DIP2B: variants seen among roughly 807,000 people sequenced by gnomAD.
The protein encoded by DIP2B is DIP2 acetate--CoA ligase B (putative).
DIP2B carries 76 observed loss-of-function variants against 198.0 expected under a neutral mutation model. That is an observed-to-expected ratio of 0.38 (90% confidence interval 0.32 to 0.46). The LOEUF is 0.46. Ranked by LOEUF, DIP2B falls within the 20% of genes least tolerant of loss-of-function variation. The pLI, the probability that DIP2B is intolerant of heterozygous loss-of-function variation, is 0.99. For synonymous variants in DIP2B, 701 were observed against 739.1 expected, an observed-to-expected ratio of 0.95 and a Z score of 0.84; for missense variants, 1,559 against 1,978.4, an observed-to-expected ratio of 0.79 and a Z score of 4.02.
At chr12:50,561,336 G>A (rs557370004) in intron 1 of DIP2B, among the ~76,000 whole-genome samples, 1 of 152,140 alleles carries the variant, frequency 6.6e-6, no homozygotes, top group Non-Finnish European at 1.5e-5. Flanking sequence ...GTTATTAAAA[G>A]GTACAGGAAT....
chr12:50,697,712 G>A (rs1357866799), intron 17 of DIP2B, among the ~76,000 whole-genome samples: 1 of 151,198 alleles, frequency 6.6e-6, no homozygotes. Context: ...AAATTTTTTT[G>A]TAGAGATAGG....
rs1939519141 is a variant in DIP2B, at chr12:50,706,676, C to T, written c.2534+11C>T. ...TGTTTATAGAGGAAGGTGAGTAGTACAAAATTCAAATGTTAGCACCTTTTA... is the reference window on the plus strand; with the variant it reads ...TGTTTATAGAGGAAGGTGAGTAGTATAAAATTCAAATGTTAGCACCTTTTA... On this transcript the variant is annotated intron_variant, in intron 21 of 37. Transcript: ENST00000301180. 6.2e-7 allele frequency: 1 copy of T among 1,613,258 alleles called. No homozygotes were observed. The highest frequency in any genetic ancestry group is 1.7e-5 in the Admixed American group (1 of 59,968).
At chr12:50,682,490 G>A (rs781087985) in intron 9 of DIP2B, among the ~76,000 whole-genome samples, 1 of 151,966 alleles carries the variant, frequency 6.6e-6, no homozygotes, top group Non-Finnish European at 1.5e-5. Flanking sequence ...TTAGCCAGGC[G>A]TGGTGGCAGG....
At chr12:50,630,554 A>T (rs1018777590) in intron 2 of DIP2B, among the ~76,000 whole-genome samples, 16 of 151,902 alleles carry the variant, frequency 1.1e-4, no homozygotes, top group Non-Finnish European at 1.5e-5. Context: ...TTTTTATCCT[A>T]AGGCTTTAAA....
intron 1 of DIP2B, among the ~76,000 whole-genome samples, chr12:50,544,505 A>G (rs1197166527): frequency 1.3e-5 from 2 of 151,970 alleles, no homozygotes; most frequent in Admixed American, 6.6e-5. Context: ...ACGGGGTTTC[A>G]CCATGTTGGC....
chr12:50,587,649 C>G (rs1958782557), intron 1 of DIP2B, among the ~76,000 whole-genome samples: 1 of 152,152 alleles, frequency 6.6e-6, no homozygotes, highest in East Asian at 1.9e-4. Context: ...TTTTCTTCCT[C>G]CTTCAGTGTC....
intron 3 of DIP2B, among the ~76,000 whole-genome samples, chr12:50,644,551 G>A (rs1343524620): frequency 1.3e-5 from 2 of 152,190 alleles, no homozygotes; most frequent in African/African-American, 4.8e-5. Context: ...CTTTATCAAA[G>A]ATCAAGATGA....
At chr12:50,686,771 G>A (rs1183541479) in intron 12 of DIP2B, 89 bp downstream of exon 12, 8 of 1,222,928 alleles carry the variant, frequency 6.5e-6, no homozygotes, top group South Asian at 4.4e-5. Context: ...TTTTTGCAAC[G>A]TTAATGTTAG....
At chr12:50,590,465 G>A (rs1593634854) in intron 1 of DIP2B, among the ~76,000 whole-genome samples, 1 of 152,162 alleles carries the variant, frequency 6.6e-6, no homozygotes, top group Non-Finnish European at 1.5e-5. Context: ...CGCCTCCGGG[G>A]TTCAAGCAAT....
intron 1 of DIP2B, among the ~76,000 whole-genome samples, chr12:50,581,971 C>T (rs1227130515): frequency 6.6e-6 from 1 of 152,072 alleles, no homozygotes; most frequent in Non-Finnish European, 1.5e-5. Flanking sequence ...TGCGAGCCTG[C>T]ACTGAATCCT....
At chr12:50,623,245 A>G (rs1937850186) in intron 1 of DIP2B, among the ~76,000 whole-genome samples, 1 of 151,786 alleles carries the variant, frequency 6.6e-6, no homozygotes, top group Non-Finnish European at 1.5e-5. Flanking sequence ...CTAGCCAGGC[A>G]TGGTGGCGTG....
At chr12:50,635,032 A>C (rs1445221578) in intron 2 of DIP2B, among the ~76,000 whole-genome samples, 11 of 152,232 alleles carry the variant, frequency 7.2e-5, no homozygotes, top group Non-Finnish European at 1.2e-4. Context: ...TGTGCAGAGT[A>C]TATCAATTCT....
At chr12:50,714,353 T>C in intron 22 of DIP2B, 42 bp from the exon 23 acceptor site, 1 of 1,608,768 alleles carries the variant, frequency 6.2e-7, no homozygotes, top group South Asian at 1.1e-5. Flanking sequence ...TCAAATGTAA[T>C]AGAAGTGATC....
At chr12:50,544,422 T>C (rs1958357371) in intron 1 of DIP2B, among the ~76,000 whole-genome samples, 1 of 152,092 alleles carries the variant, frequency 6.6e-6, no homozygotes, top group African/African-American at 2.4e-5. Context: ...TTCTCCCGCG[T>C]CAGCCACCCA....
At chr12:50,700,490 A>G (rs975801666) in intron 19 of DIP2B, among the ~76,000 whole-genome samples, 2 of 152,214 alleles carry the variant, frequency 1.3e-5, no homozygotes, top group African/African-American at 4.8e-5. Flanking sequence ...GGTTACAGGC[A>G]TCTACTGTCC....
At chr12:50,660,160 G>A (rs528654977) in intron 3 of DIP2B, 34 bp from the exon 4 acceptor site, 15 of 1,572,792 alleles carry the variant, frequency 9.5e-6, no homozygotes, top group Admixed American at 3.6e-5. Context: ...TTCAAGAGCC[G>A]GAAGCTAATA....
At chr12:50,678,950 A>T (rs1345006653) in intron 8 of DIP2B, 74 bp downstream of exon 8, 1 of 1,523,528 alleles carries the variant, frequency 6.6e-7, no homozygotes, top group Admixed American at 1.8e-5. Context: ...TTTTATCTAG[A>T]TACTTAGCAG....
chr12:50,543,605 A>G (rs184490551), intron 1 of DIP2B, among the ~76,000 whole-genome samples: 151 of 151,868 alleles, frequency 9.9e-4, no homozygotes, highest in African/African-American at 3.5e-3. Context: ...TGTTTCAAAA[A>G]TAGCTTTTCC....
intron 1 of DIP2B, among the ~76,000 whole-genome samples, chr12:50,600,934 C>T (rs1395866900): frequency 3.5e-5 from 5 of 144,430 alleles, no homozygotes; most frequent in Non-Finnish European, 7.4e-5. Flanking sequence ...CCACCACCAC[C>T]ACCACTACCA....
Sources: allele counts gnomAD v4.1 joint callset (sites outside exome capture counted in the v4.1 genomes callset), GRCh38; gene constraint gnomAD v4.1.1; transcripts MANE v1.5; gene names NCBI Gene and HGNC (gene_info 2026-07-23, HGNC 2026-07-21).